Variants in GRIK1 observed in about 807,000 individuals in gnomAD.
GRIK1 encodes glutamate receptor ionotropic, kainate 1.
Under a neutral mutation model 105.7 loss-of-function variants are expected in GRIK1, and 69 were observed. That is an observed-to-expected ratio of 0.65 (90% CI 0.54 to 0.80). GRIK1 has a LOEUF of 0.80. Ranked by LOEUF, GRIK1 falls within the 30% of genes least tolerant of loss-of-function variation. GRIK1 has a pLI of 0.00. For missense variants in GRIK1, 1,109 were observed against 1,167.3 expected (o/e 0.95, Z 0.73); for synonymous variants, 438 against 431.3 (o/e 1.02, Z -0.19).
At position 29,936,141 on chromosome 21, in the gene GRIK1, C is replaced by G. The variant is rs2071746011; in HGVS notation, c.118+3242G>C. Among the ~76,000 whole-genome samples the G allele has an allele frequency of 2.6e-5, 4 of 152,166 alleles. No homozygotes were observed. In the South Asian group the frequency reaches 6.2e-4, roughly 24 times the overall value. ...TCTAGTAAATCACGGACGTGGGAAT[C>G]AAACCTATGCTTTCTGACACCAAAA... On this transcript the variant is annotated intron_variant, in intron 1 of 17. Transcript: ENST00000327783.
chr21:29,884,797 T>A (rs1569188417), intron 1 of GRIK1, among the ~76,000 whole-genome samples: 1 of 152,062 alleles, frequency 6.6e-6, no homozygotes, highest in Non-Finnish European at 1.5e-5. Context: ...CTCTTAATTT[T>A]AATCTCTCAC....
chr21:29,864,470 G>A (rs1490294826), intron 1 of GRIK1, among the ~76,000 whole-genome samples: 1 of 151,938 alleles, frequency 6.6e-6, no homozygotes, highest in East Asian at 1.9e-4. Context: ...GAATTTGTGA[G>A]AGAATTCTCA....
intron 1 of GRIK1, among the ~76,000 whole-genome samples, chr21:29,823,316 G>A (rs1250599729): frequency 6.6e-6 from 1 of 151,800 alleles, no homozygotes; most frequent in Non-Finnish European, 1.5e-5. Context: ...AGTTACCTTG[G>A]CAGGGTAAGA....
Position 29,564,305 on chromosome 21 carries a change from A to G in GRIK1, c.2131-2456T>C, listed in dbSNP as rs949391116. On this transcript the variant is annotated intron_variant, in intron 14 of 17. Transcript: ENST00000327783. ...TGGGACTACAGGCGCCCGCCACTAC[A>G]CCCGGCTAATTTTTTGTATTTTTAG... Among the ~76,000 whole-genome samples the G allele has an allele frequency of 1.7e-4, 25 of 151,076 alleles. 1 individual carries two copies. Among genetic ancestry groups the G allele is most frequent in the South Asian group, 1.3e-3 (6 of 4,722 alleles).
intron 4 of GRIK1, among the ~76,000 whole-genome samples, chr21:29,658,473 C>T (rs575884966): frequency 1.5e-4 from 23 of 152,202 alleles, no homozygotes; most frequent in African/African-American, 2.2e-4. Context: ...ATGTTGGCCA[C>T]GCTGGTTCAA....
chr21:29,615,080 G>A (rs1326134413), intron 7 of GRIK1, among the ~76,000 whole-genome samples: 1 of 151,608 alleles, frequency 6.6e-6, no homozygotes, highest in East Asian at 1.9e-4. Flanking sequence ...CAATTCAAAT[G>A]TCACCTCCTC....
intron 7 of GRIK1, among the ~76,000 whole-genome samples, chr21:29,620,802 T>TATAGATAG (rs1555851180): frequency 7.8e-5 from 10 of 127,426 alleles, no homozygotes; most frequent in African/African-American, 3.3e-4. Context: ...TCTATATATA[T>TATAGATAG]ATAGATATAT....
Position 29,598,914 on chromosome 21 carries a change from C to A in GRIK1, c.1122G>T (p.Gly374=). ...IKEARWDGLT[G]HITFNKTNGL... ...CATTGGTTTTATTAAAGGTGATATG[C>A]CCAGTCAAGCCATCCCACCGGGCCT... is the stretch of plus-strand genomic sequence containing the variant. Residue 374 remains glycine, a synonymous_variant, in exon 8 of 18, where the codon GGG becomes GGT. Coordinates refer to ENST00000327783, the MANE Select transcript of GRIK1 (RefSeq NM_001330994.2). 6.3e-7 allele frequency: 1 copy of A among 1,580,030 alleles called. No homozygotes were observed. Among genetic ancestry groups the A allele is most frequent in the Non-Finnish European group, 8.7e-7 (1 of 1,154,008 alleles).
intron 1 of GRIK1, among the ~76,000 whole-genome samples, chr21:29,910,810 C>T (rs2070788676): frequency 6.6e-6 from 1 of 151,902 alleles, no homozygotes; most frequent in South Asian, 2.1e-4. Flanking sequence ...AGGGTCATGG[C>T]TACAGTGTAA....
chr21:29,781,171 A>G (rs1471124194), intron 1 of GRIK1, among the ~76,000 whole-genome samples: 2 of 152,164 alleles, frequency 1.3e-5, no homozygotes, highest in African/African-American at 2.4e-5. Flanking sequence ...TTTCACAGAT[A>G]TATACACAAA....
At chr21:29,585,553 C>T (rs1477355895) in intron 12 of GRIK1, among the ~76,000 whole-genome samples, 1 of 152,108 alleles carries the variant, frequency 6.6e-6, no homozygotes, top group Non-Finnish European at 1.5e-5. Flanking sequence ...CTAGACAGAG[C>T]CTCAGACTGC....
intron 7 of GRIK1, among the ~76,000 whole-genome samples, chr21:29,619,784 A>G (rs1471811360): frequency 6.6e-6 from 1 of 152,236 alleles, no homozygotes; most frequent in African/African-American, 2.4e-5. Context: ...AAGCAGCAAC[A>G]GAAGCAGCAT....
intron 1 of GRIK1, among the ~76,000 whole-genome samples, chr21:29,938,771 A>C (rs2071863911): frequency 6.6e-6 from 1 of 152,118 alleles, no homozygotes; most frequent in South Asian, 2.1e-4. Context: ...CACTCTTCGA[A>C]TCTTCAGCTC....
At chr21:29,621,405 T>G (rs1334596422) in intron 7 of GRIK1, among the ~76,000 whole-genome samples, 3 of 151,734 alleles carry the variant, frequency 2.0e-5, no homozygotes, top group African/African-American at 7.3e-5. Flanking sequence ...TGTGTGTGTG[T>G]GTGTGTGGGG....
chr21:29,857,515 G>C (rs2068500043), intron 1 of GRIK1, among the ~76,000 whole-genome samples: 1 of 152,196 alleles, frequency 6.6e-6, no homozygotes, highest in South Asian at 2.1e-4. Flanking sequence ...AATGAAAACA[G>C]TGAGTTAAAA....
At chr21:29,774,701 C>T (rs1175222973) in intron 1 of GRIK1, among the ~76,000 whole-genome samples, 5 of 152,042 alleles carry the variant, frequency 3.3e-5, no homozygotes, top group Admixed American at 2.6e-4. Context: ...CCACCTGCCT[C>T]GGCCTCACAA....
rs1367545093 is a variant in GRIK1 at position 29,560,385 on chromosome 21, C to CT, written c.2356+1238dup. Among the ~76,000 whole-genome samples the CT allele has an allele frequency of 8.2e-3, 586 of 71,650 alleles. 54 individuals are homozygous for CT. Among genetic ancestry groups the CT allele is most frequent in the Admixed American group, 0.046 (280 of 6,096 alleles). 47.0% of individuals were successfully genotyped at this position (71,650 alleles called of 152,430 possible). On this transcript the variant is annotated intron_variant, in intron 15 of 17. Coordinates refer to ENST00000327783, the MANE Select transcript of GRIK1 (RefSeq NM_001330994.2). ...TCTTTCTTCCTTCCTTCCTTCCTTC[C>CT]TTCCTTCCTTCCTTCCTTTCTTTCT...
intron 7 of GRIK1, among the ~76,000 whole-genome samples, chr21:29,611,457 A>C (rs2061728810): frequency 6.6e-6 from 1 of 152,168 alleles, no homozygotes; most frequent in Non-Finnish European, 1.5e-5. Flanking sequence ...TTCCTTCATT[A>C]AGGAGTTAAG....
intron 1 of GRIK1, among the ~76,000 whole-genome samples, chr21:29,920,454 A>C (rs903014383): frequency 6.6e-6 from 1 of 152,068 alleles, no homozygotes. Context: ...TCTTTTACAG[A>C]TATAAACTCA....
Sources: allele counts gnomAD v4.1 joint callset (sites outside exome capture counted in the v4.1 genomes callset), GRCh38; gene constraint gnomAD v4.1.1; transcripts MANE v1.5; gene names NCBI Gene and HGNC (gene_info 2026-07-23, HGNC 2026-07-21).